Variants in CTNNA1 observed in about 807,000 individuals in gnomAD.
The protein encoded by CTNNA1 is catenin alpha 1.
A neutral mutation model predicts 98.4 loss-of-function variants in CTNNA1; 37 were observed. The observed-to-expected ratio is 0.38, with a 90% CI of 0.29 to 0.49. The LOEUF is 0.49. Among genes scored for constraint, CTNNA1 ranks in the 20% least tolerant of loss-of-function variants. The pLI, the probability that CTNNA1 is intolerant of heterozygous loss-of-function variation, is 0.95. For synonymous variants in CTNNA1, 404 were observed against 413.2 expected (o/e 0.98, Z 0.27); for missense variants, 761 against 1,147.2 (o/e 0.66, Z 4.86).
At chr5:138,762,356 C>T (rs571477014) in intron 1 of CTNNA1, among the ~76,000 whole-genome samples, 12 of 152,284 alleles carry the variant, frequency 7.9e-5, no homozygotes, top group African/African-American at 2.9e-4. Context: ...GCTGTTTGCT[C>T]ACTTGTGAGA....
intron 10 of CTNNA1, among the ~76,000 whole-genome samples, chr5:138,908,788 G>A (rs146629885): frequency 1.8e-3 from 275 of 152,068 alleles, no homozygotes; most frequent in African/African-American, 6.4e-3. Context: ...GAGGTAGGTC[G>A]GCTCTCTCTC....
chr5:138,759,864 C>T (rs187508341), intron 1 of CTNNA1, among the ~76,000 whole-genome samples: 22 of 151,878 alleles, frequency 1.4e-4, no homozygotes, highest in African/African-American at 5.1e-4. Context: ...CTTCAACAGT[C>T]CCCAGAATTA....
chr5:138,785,857 G>A (rs1184678255), intron 3 of CTNNA1, among the ~76,000 whole-genome samples: 1 of 152,176 alleles, frequency 6.6e-6, no homozygotes, highest in Non-Finnish European at 1.5e-5. Context: ...GCCTCCCGAA[G>A]TGCTGGGATT....
At chr5:138,799,120 C>G (rs6885227) in intron 3 of CTNNA1, among the ~76,000 whole-genome samples, 3,479 of 152,116 alleles carry the variant, frequency 0.023, 137 homozygotes, top group African/African-American at 0.081. Flanking sequence ...ATCCCCTACC[C>G]TCAGCCTCCC....
intron 9 of CTNNA1, among the ~76,000 whole-genome samples, chr5:138,892,327 A>ATTTT (rs1755571593): frequency 2.9e-5 from 3 of 103,186 alleles, no homozygotes; most frequent in African/African-American, 7.8e-5. Context: ...AAAATAGCTT[A>ATTTT]GTTTTTTTTT....
intron 1 of CTNNA1, among the ~76,000 whole-genome samples, chr5:138,772,991 A>C (rs1030246774): frequency 9.2e-5 from 14 of 152,240 alleles, no homozygotes; most frequent in African/African-American, 2.9e-4. Context: ...GATAAAACCA[A>C]GGATCCAGAA....
At chr5:138,870,758 A>G (rs540048316) in intron 7 of CTNNA1, 5 of 152,328 alleles carry the variant, frequency 3.3e-5, no homozygotes, top group Admixed American at 2.0e-4. Flanking sequence ...ACAAATGGCA[A>G]TGGTCATCCT....
At chr5:138,755,177 C>G (rs1486999905) in intron 1 of CTNNA1, 1 of 152,196 alleles carries the variant, frequency 6.6e-6, no homozygotes, top group African/African-American at 2.4e-5. Flanking sequence ...AGTGCCTTAA[C>G]AGTACTAATG....
At chr5:138,931,374 A>T (rs538607249) in intron 16 of CTNNA1, among the ~76,000 whole-genome samples, 3 of 152,218 alleles carry the variant, frequency 2.0e-5, no homozygotes, top group Non-Finnish European at 4.4e-5. Flanking sequence ...AAATTGTACA[A>T]TACATTTCAT....
At chr5:138,843,853 T>G (rs1197668789) in intron 7 of CTNNA1, among the ~76,000 whole-genome samples, 1 of 152,186 alleles carries the variant, frequency 6.6e-6, no homozygotes, top group African/African-American at 2.4e-5. Flanking sequence ...GTAAAACCCT[T>G]TGTCACTGTA....
chr5:138,924,454 T>C, intron 11 of CTNNA1, 56 bp from the exon 12 acceptor site: 5 of 1,571,962 alleles, frequency 3.2e-6, no homozygotes, highest in Non-Finnish European at 4.4e-6. Context: ...AGCTTACAGT[T>C]GCCACCTTTT....
chr5:138,806,029 C>T (rs1209213851), intron 3 of CTNNA1, among the ~76,000 whole-genome samples: 1 of 152,100 alleles, frequency 6.6e-6, no homozygotes, highest in African/African-American at 2.4e-5. Context: ...AATTTTAGCT[C>T]TAACATTTAG....
chr5:138,930,129 G>C (rs1399955702), intron 14 of CTNNA1, among the ~76,000 whole-genome samples: 1 of 152,096 alleles, frequency 6.6e-6, no homozygotes. Context: ...CAGGGAAAGG[G>C]CTCCACACTT....
chr5:138,881,894 A>G (rs372269198), intron 7 of CTNNA1, among the ~76,000 whole-genome samples: 4 of 152,286 alleles, frequency 2.6e-5, no homozygotes, highest in East Asian at 3.9e-4. Context: ...AAAACACTGT[A>G]TTTCACCCTC....
At chr5:138,927,422 G>A (rs1561765148) in intron 13 of CTNNA1, among the ~76,000 whole-genome samples, 1 of 152,048 alleles carries the variant, frequency 6.6e-6, no homozygotes, top group South Asian at 2.1e-4. Context: ...TGCTATTCAC[G>A]CAGTTCCCTG....
At chr5:138,892,485 C>T (rs750586514) in intron 9 of CTNNA1, among the ~76,000 whole-genome samples, 2 of 151,058 alleles carry the variant, frequency 1.3e-5, no homozygotes, top group East Asian at 3.9e-4. Flanking sequence ...ATTACAGGTG[C>T]CTGCTGTCAC....
chr5:138,900,560 A>T (rs111452342), intron 9 of CTNNA1, among the ~76,000 whole-genome samples: 1 of 152,226 alleles, frequency 6.6e-6, no homozygotes, highest in African/African-American at 2.4e-5. Flanking sequence ...AGAGAAAAAT[A>T]GTCATTATGG....
intron 1 of CTNNA1, chr5:138,753,756 C>T (rs1751275512): frequency 6.8e-6 from 2 of 295,664 alleles, no homozygotes; most frequent in African/African-American, 2.2e-5. Flanking sequence ...CGCTTCCCAG[C>T]GCTCGGGAAG....
In CTNNA1 at chr5:138,848,863, A is replaced by G. The variant is rs1762950364; in HGVS notation, c.1062+21145A>G. ...CTCAGCCTCCTGAGTAGCTGGGATT[A>G]CAGGTATGCACCATCATACCCAGCT... is the stretch of plus-strand genomic sequence containing the variant. On this transcript the variant is annotated intron_variant, in intron 7 of 17. Transcript: ENST00000302763. Among the ~76,000 whole-genome samples, 14 of 152,226 alleles carry G rather than the reference A, an allele frequency of 9.2e-5. 1 individual carries two copies. The highest frequency in any genetic ancestry group is 8.5e-4 in the Admixed American group (13 of 15,288).
Sources: gnomAD v4.1 joint callset for allele counts (sites outside exome capture counted in the v4.1 genomes callset) on GRCh38, gnomAD v4.1.1 for gene constraint, MANE v1.5 for transcripts, NCBI Gene and HGNC (gene_info 2026-07-23, HGNC 2026-07-21) for gene names.